Variants in LILRB2 observed in about 807,000 individuals in gnomAD.
LILRB2 encodes leukocyte immunoglobulin-like receptor subfamily B member 2.
A neutral mutation model predicts 72.7 loss-of-function variants in LILRB2; 47 were observed. The observed-to-expected ratio is 0.65, with a 90% confidence interval of 0.51 to 0.82. LILRB2 has a LOEUF of 0.82. Ranked by LOEUF, LILRB2 falls within the 40% of genes least tolerant of loss-of-function variation. The pLI is 0.00. For missense variants in LILRB2, 767 were observed against 764.8 expected (o/e 1.00, Z -0.03); for synonymous variants, 279 against 313.7 (o/e 0.89, Z 1.17).
At chr19:54,275,143 G>A (rs1269496734) in intron 13 of LILRB2, 4 of 1,526,580 alleles carry the variant, frequency 2.6e-6, no homozygotes, top group Non-Finnish European at 3.6e-6. Flanking sequence ...CTGTTCCCGG[G>A]GTGATCCGAT....
chr19:54,276,632 G>T, intron 10 of LILRB2, 175 bp downstream of exon 10: 1 of 1,429,460 alleles, frequency 7.0e-7, no homozygotes, highest in Non-Finnish European at 9.5e-7. Flanking sequence ...GACTGAGCCC[G>T]GAGGACACTT....
At chr19:54,278,784 C>G in intron 6 of LILRB2, 28 bp downstream of exon 6, 1 of 1,610,314 alleles carries the variant, frequency 6.2e-7, no homozygotes, top group Non-Finnish European at 8.5e-7. Flanking sequence ...GAGTCTGGGT[C>G]CCTGACTGAA....
intron 10 of LILRB2, 137 bp downstream of exon 10, chr19:54,276,670 G>C (rs1341598620): frequency 1.3e-6 from 2 of 1,494,112 alleles, no homozygotes; most frequent in Non-Finnish European, 1.8e-6. Flanking sequence ...CTGACGTTAA[G>C]TGCTTTCTCC....
chr19:54,278,075 G>A, intron 7 of LILRB2, 136 bp from the exon 8 acceptor site: 1 of 1,100,334 alleles, frequency 9.1e-7, no homozygotes, highest in Non-Finnish European at 1.3e-6. Context: ...CATGATGCTG[G>A]CGATGCCGCT....
In LILRB2 at chr19:54,276,184, C is replaced by T. The variant is rs540287502; in HGVS notation, c.1594+80G>A. 8.4e-5 allele frequency: 135 copies of T among 1,601,914 alleles called. No homozygotes were observed. In the East Asian group the frequency reaches 1.1e-3, roughly 14 times the overall value. ...CCCTGAGCCCCAGACCCTTTCCAGC[C>T]GGTGCCCCTTTCCCCATTGCTACGG... is the stretch of plus-strand genomic sequence containing the variant. On this transcript the variant is annotated intron_variant, in intron 12 of 13. Coordinates refer to ENST00000314446, the MANE Select transcript of LILRB2 (RefSeq NM_001080978.4).
intron 10 of LILRB2, 33 bp from the exon 11 acceptor site, chr19:54,276,489 G>T (rs2080234639): frequency 1.3e-5 from 19 of 1,429,324 alleles, no homozygotes; most frequent in Admixed American, 2.1e-5. Flanking sequence ...TCAGCCCTGG[G>T]AACATTGGAG....
intron 10 of LILRB2, 121 bp from the exon 11 acceptor site, chr19:54,276,577 C>T (rs1299733479): frequency 1.5e-5 from 22 of 1,441,150 alleles, no homozygotes; most frequent in Non-Finnish European, 2.0e-5. Context: ...CCAAATGCCT[C>T]ATGAGATGGA....
intron 8 of LILRB2, 59 bp downstream of exon 8, chr19:54,277,830 C>T: frequency 1.4e-6 from 2 of 1,428,132 alleles, no homozygotes; most frequent in Non-Finnish European, 1.9e-6. Flanking sequence ...CTCCTGGACA[C>T]TCAAAGCTGC....
In LILRB2 at chr19:54,276,443, A is replaced by C; in HGVS notation, c.1494T>G (p.Ala498=). The C allele has an allele frequency of 6.3e-7, 1 of 1,594,066 alleles. No individual in the cohort carries two copies. The highest frequency in any genetic ancestry group is 8.6e-7 in the Non-Finnish European group (1 of 1,165,036). Residue 498 remains alanine (A), a synonymous_variant, in exon 11 of 14, where the codon GCT becomes GCG. Transcript: ENST00000314446. ...CAGCCCCTGCAGGATGTTGGAAATC[A>C]GCCTTTCTCTGGGCTGGGGGAAGAA... The part of the protein sequence containing the change: ...GKHWTSTQRK[A]DFQHPAGAVG...
Position 54,280,090 on chromosome 19 carries a change from A to G in LILRB2, c.71-15T>C. On this transcript the variant is annotated splice_polypyrimidine_tract_variant and intron_variant, in intron 3 of 13. Transcript: ENST00000314446. ...GGGGATGGTCCCTGGAAGGAAATCA[A>G]AGGTCAGATTCGAAGTCATTTCCCA... The G allele has an allele frequency of 1.2e-6, 2 of 1,613,216 alleles. No individual in the cohort carries two copies. The highest frequency in any genetic ancestry group is 1.7e-6 in the Non-Finnish European group (2 of 1,179,498).
chr19:54,275,515 T>C (rs1392820596), intron 13 of LILRB2: 1 of 511,106 alleles, frequency 2.0e-6, no homozygotes, highest in African/African-American at 1.9e-5. Flanking sequence ...GCGCATTTAT[T>C]TGCATTTTGT....
rs1353973265 is a variant in LILRB2, at chr19:54,276,840, G to A, written c.1447C>T (p.Arg483Ter). The change falls in exon 10 of 14, where the codon CGA (arginine) becomes TGA (stop). Residue 483 changes from arginine (R) to a stop codon, truncating the protein, a stop_gained. Transcript: ENST00000314446. LOFTEE classifies it high-confidence loss of function. ...LLLLLLFLIL[R>*]HRRQGKHWTS... is the part of the protein sequence containing the mutation. ...CAGTGTTTGCCCTGACGTCGATGTC[G>A]GAGGATGAGGAAGAGGAGGAGGAGG... The A allele has an allele frequency of 1.5e-5, 24 of 1,613,968 alleles. No homozygotes were observed. The highest frequency in any genetic ancestry group is 1.8e-5 in the Non-Finnish European group (21 of 1,179,938).
At chr19:54,280,932 C>G (rs1057194334) in intron 1 of LILRB2, 29 bp downstream of exon 1, 31 of 1,343,848 alleles carry the variant, frequency 2.3e-5, no homozygotes, top group Admixed American at 3.9e-5. Context: ...TTCAGCCCAT[C>G]CATCAGCACA....
chr19:54,277,395 G>A lies in LILRB2; in HGVS notation c.1357+155C>T, dbSNP rs1467724803. The A allele has an allele frequency of 5.5e-6, 7 of 1,283,228 alleles. No homozygotes were observed. The Admixed American group carries it at 7.0e-5, about 13-fold the overall frequency. 79.5% of individuals were successfully genotyped at this position (1,283,228 alleles called of 1,614,324 possible). A position where few individuals can be genotyped will look rare whatever the true frequency, so the allele number is the denominator to read the frequency against. On this transcript the variant is annotated intron_variant, in intron 9 of 13. Transcript: ENST00000314446. ...AGAGCTGAAAGGAACTTTCCCACCT[G>A]CAGGCCTCTCTCCTTTACACTTGGA... is the stretch of plus-strand genomic sequence containing the variant.
At chr19:54,280,205 A>T in intron 3 of LILRB2, 59 bp downstream of exon 3, 1 of 1,600,390 alleles carries the variant, frequency 6.2e-7, no homozygotes, top group South Asian at 1.1e-5. Flanking sequence ...AGCTGCACGG[A>T]GGTGGCCCCT....
At chr19:54,274,946 C>T in intron 13 of LILRB2, 117 bp from the exon 14 acceptor site, 1 of 1,610,638 alleles carries the variant, frequency 6.2e-7, no homozygotes, top group South Asian at 1.1e-5. Context: ...GCCTGTCTGT[C>T]CTTTGTGTCC....
In LILRB2 at chr19:54,274,754, C is replaced by T. The variant is rs763805026; in HGVS notation, c.1723G>A (p.Glu575Lys). The T allele has an allele frequency of 2.5e-6, 4 of 1,613,556 alleles. No homozygotes were observed. Among genetic ancestry groups the T allele is most frequent in the Admixed American group, 1.7e-5 (1 of 59,926 alleles). Reference protein sequence around the residue: ...HSLTLRRKATEPPPSQEREPP... With the variant: ...HSLTLRRKATKPPPSQEREPP... ...TCCCTTTCCTGGGATGGAGGAGGCTCAGTTGCCTTCCGTCTGAGGGTCAAG... is the reference window on the plus strand; with the variant it reads ...TCCCTTTCCTGGGATGGAGGAGGCTTAGTTGCCTTCCGTCTGAGGGTCAAG... Residue 575 changes from glutamate to lysine, a missense_variant, in exon 14 of 14, where the codon GAG becomes AAG. By Grantham distance (56) the Glu-to-Lys change is moderately conservative. This residue lies in a region of LILRB2 where 162 missense variants were observed against 176.7 expected (regional missense o/e 0.92). Transcript: ENST00000314446.
Position 54,281,065 on chromosome 19 carries a change from T to G in LILRB2, c.-153A>C. ...AGAAGCATCTCGCCTCTGGCTGTGCTGTCCAGGTTGAGCTGTGTGTGGCAG... is the reference window on the plus strand; with the variant it reads ...AGAAGCATCTCGCCTCTGGCTGTGCGGTCCAGGTTGAGCTGTGTGTGGCAG... On this transcript the variant is annotated 5_prime_UTR_variant, in exon 1 of 14. Transcript: ENST00000314446. 1 of 436,860 alleles carries G rather than the reference T, an allele frequency of 2.3e-6. No homozygotes were observed. The allele number at this position is 436,860 out of a possible 1,614,324, so 27.1% of individuals were successfully genotyped here. A position where few individuals can be genotyped will look rare whatever the true frequency, so the allele number is the denominator to read the frequency against.
chr19:54,275,638 G>A (rs1346926172), intron 13 of LILRB2: 2 of 551,122 alleles, frequency 3.6e-6, no homozygotes, highest in Non-Finnish European at 7.1e-6. Context: ...CTCACTGGTT[G>A]AATGAATGAA....
Sources: allele counts gnomAD v4.1 joint callset, GRCh38; gene constraint gnomAD v4.1.1; regional missense constraint gnomAD v4.1.1; transcripts MANE v1.5; gene names NCBI Gene and HGNC (gene_info 2026-07-23, HGNC 2026-07-21).